Variants in CABIN1 observed in about 807,000 individuals in gnomAD.
CABIN1 encodes calcineurin-binding protein cabin-1.
A neutral mutation model predicts 227.7 loss-of-function variants in CABIN1; 133 were observed. The ratio of observed to expected loss-of-function variants is 0.58; its 90% CI spans 0.51 to 0.67. The LOEUF is 0.67. CABIN1 is among the 30% of genes least tolerant of loss of function. The pLI is 0.00. For missense variants in CABIN1, 2,408 were observed against 2,852.5 expected (o/e 0.84, Z 3.55); for synonymous variants, 1,086 against 1,155.1 (o/e 0.94, Z 1.21).
chr22:24,094,823 C>CAAAAAAAAAA (rs201624847), intron 24 of CABIN1, among the ~76,000 whole-genome samples: 5 of 78,348 alleles, frequency 6.4e-5, no homozygotes, highest in African/African-American at 7.9e-5. Flanking sequence ...GACTCCGTCT[C>CAAAAAAAAAA]AAAAAAAAAA....
intron 19 of CABIN1, among the ~76,000 whole-genome samples, chr22:24,076,668 A>G (rs1820035619): frequency 6.6e-6 from 1 of 152,192 alleles, no homozygotes; most frequent in South Asian, 2.1e-4. Flanking sequence ...AGTCCTGTTT[A>G]CTAAGCATTA....
intron 28 of CABIN1, among the ~76,000 whole-genome samples, chr22:24,125,971 A>C (rs1433498483): frequency 2.0e-5 from 3 of 152,224 alleles, no homozygotes; most frequent in Non-Finnish European, 2.9e-5. Context: ...CCTGCAAAGA[A>C]ATGCAGATTC....
intron 29 of CABIN1, among the ~76,000 whole-genome samples, chr22:24,139,134 C>T (rs1016294358): frequency 2.0e-5 from 3 of 152,222 alleles, no homozygotes; most frequent in Non-Finnish European, 2.9e-5. Context: ...TCACTGCCAA[C>T]AGTTCAGACA....
chr22:24,076,297 C>T lies in CABIN1; in HGVS notation c.2748+13C>T, dbSNP rs753534512. ...GCTGCGATTCTATGTAAGTGCTTCC[C>T]CTTGGGCTGCAGACTGCCAGTGCGG... On this transcript the variant is annotated intron_variant, in intron 19 of 36. Coordinates refer to ENST00000263119, the MANE Select transcript of CABIN1 (RefSeq NM_012295.4). 2.5e-6 allele frequency: 4 copies of T among 1,606,112 alleles called. No individual in the cohort carries two copies. Among genetic ancestry groups the T allele is most frequent in the Middle Eastern group, 1.7e-4 (1 of 6,054 alleles).
rs1208729913 is a variant in CABIN1, at chr22:24,064,288, C to G, written c.2037+101C>G. The G allele has an allele frequency of 3.9e-6, 5 of 1,270,382 alleles. No individual in the cohort carries two copies. The Admixed American group carries it at 7.2e-5, about 18-fold the overall frequency. The allele number at this position is 1,270,382 out of a possible 1,614,324, so 78.7% of individuals were successfully genotyped here. A position where few individuals can be genotyped will look rare whatever the true frequency, so the allele number is the denominator to read the frequency against. On this transcript the variant is annotated intron_variant, in intron 15 of 36. Coordinates refer to ENST00000263119, the MANE Select transcript of CABIN1 (RefSeq NM_012295.4). ...TAGTGCAATCTCGGCTCACTGCAAC[C>G]TACACCTCTGGGGTTCAAGGGATTC...
intron 6 of CABIN1, among the ~76,000 whole-genome samples, chr22:24,048,622 T>G (rs1234498739): frequency 6.6e-6 from 1 of 152,202 alleles, no homozygotes; most frequent in Admixed American, 6.5e-5. Flanking sequence ...GGTTTCATCA[T>G]GGTGCCCAGG....
intron 29 of CABIN1, among the ~76,000 whole-genome samples, chr22:24,158,882 A>G (rs1279716312): frequency 6.6e-6 from 1 of 152,190 alleles, no homozygotes; most frequent in Non-Finnish European, 1.5e-5. Context: ...CGCTAGGAAC[A>G]TGAGGGAGGA....
chr22:24,074,347 GAAAA>G (rs1395845792), intron 18 of CABIN1, among the ~76,000 whole-genome samples: 1 of 152,158 alleles, frequency 6.6e-6, no homozygotes, highest in Non-Finnish European at 1.5e-5. Context: ...GAAAAAGAAA[GAAAA>G]GAAAGAAAAA....
chr22:24,158,372 G>A (rs1341613249), intron 29 of CABIN1, among the ~76,000 whole-genome samples: 1 of 152,214 alleles, frequency 6.6e-6, no homozygotes, highest in Non-Finnish European at 1.5e-5. Flanking sequence ...AAGCTTTGTG[G>A]AGAAGTATGT....
At chr22:24,122,819 T>C (rs1313856054) in intron 28 of CABIN1, among the ~76,000 whole-genome samples, 1 of 151,922 alleles carries the variant, frequency 6.6e-6, no homozygotes, top group Non-Finnish European at 1.5e-5. Context: ...TAGGATGCCC[T>C]ACCTGTATTT....
chr22:24,050,760 G>C (rs2038262313), intron 7 of CABIN1, 65 bp from the exon 8 acceptor site: 3 of 1,596,404 alleles, frequency 1.9e-6, no homozygotes, highest in Admixed American at 3.3e-5. Context: ...ATTTTTGTGT[G>C]TAAAATTTCA....
chr22:24,067,215 C>T (rs757070824), intron 16 of CABIN1, 34 bp downstream of exon 16: 2 of 1,603,102 alleles, frequency 1.2e-6, no homozygotes, highest in East Asian at 2.2e-5. Context: ...CACCCACTTG[C>T]ACCTTCTCTC....
intron 31 of CABIN1, among the ~76,000 whole-genome samples, chr22:24,165,835 G>A (rs1190276225): frequency 6.6e-6 from 1 of 152,210 alleles, no homozygotes; most frequent in Admixed American, 6.5e-5. Context: ...AGTCATGGAT[G>A]CACTTGGTGA....
chr22:24,063,826 G>A (rs183905981), intron 14 of CABIN1, among the ~76,000 whole-genome samples: 5 of 152,252 alleles, frequency 3.3e-5, no homozygotes, highest in Non-Finnish European at 5.9e-5. Flanking sequence ...ATCTCCCCTC[G>A]CAGAGTTGAC....
At chr22:24,072,719 G>A (rs373003780) in intron 18 of CABIN1, among the ~76,000 whole-genome samples, 4 of 152,216 alleles carry the variant, frequency 2.6e-5, no homozygotes, top group African/African-American at 7.2e-5. Context: ...CGGGAGGCCT[G>A]GATGTGTGAG....
chr22:24,037,410 T>G (rs1044718605), intron 3 of CABIN1, among the ~76,000 whole-genome samples: 1 of 151,980 alleles, frequency 6.6e-6, no homozygotes, highest in Non-Finnish European at 1.5e-5. Context: ...TCAAGCAGTC[T>G]TCCTGTCTCA....
rs533928848 is a variant in CABIN1, at chr22:24,043,410, CTGTT to C, written c.526+329_526+332del. 1.5e-4 allele frequency among the ~76,000 whole-genome samples: 20 copies of C among 131,664 alleles called. No homozygotes were observed. In the East Asian group the frequency reaches 4.7e-3, roughly 31 times the overall value. The allele number at this position is 131,664 out of a possible 152,430, so 86.4% of individuals were successfully genotyped here. A position where few individuals can be genotyped will look rare whatever the true frequency, so the allele number is the denominator to read the frequency against. Reference sequence around the variant, plus strand: ...ACTGTCCCATTTTGTGTGTCTTAGTCTGTTTGGGCTGCCATTAAAAAAAAATACC... The same window carrying C: ...ACTGTCCCATTTTGTGTGTCTTAGTCTGGGCTGCCATTAAAAAAAAATACC... On this transcript the variant is annotated intron_variant, in intron 6 of 36. Transcript: ENST00000263119.
chr22:24,156,854 G>A (rs1275844258), intron 29 of CABIN1, among the ~76,000 whole-genome samples: 2 of 152,192 alleles, frequency 1.3e-5, no homozygotes, highest in Non-Finnish European at 1.5e-5. Context: ...TGCTTTTCCC[G>A]GGAGGGGGAA....
chr22:24,059,487 C>A, intron 11 of CABIN1, 124 bp downstream of exon 11: 2 of 1,159,892 alleles, frequency 1.7e-6, no homozygotes, highest in South Asian at 1.3e-5. Flanking sequence ...AAGAGTCTGC[C>A]TGGATTAGTC....
Sources: gnomAD v4.1 joint callset for allele counts (sites outside exome capture counted in the v4.1 genomes callset) on GRCh38, gnomAD v4.1.1 for gene constraint, MANE v1.5 for transcripts, NCBI Gene and HGNC (gene_info 2026-07-23, HGNC 2026-07-21) for gene names.